SLMAP: variants seen among roughly 807,000 people sequenced by gnomAD.
SLMAP encodes sarcolemma associated protein.
Under a neutral mutation model 128.8 loss-of-function variants are expected in SLMAP, and 44 were observed. That is an observed-to-expected ratio of 0.34 (90% CI 0.27 to 0.44). The LOEUF (loss-of-function observed/expected upper bound fraction) is 0.44. Ranked by LOEUF, SLMAP falls within the 20% of genes least tolerant of loss-of-function variation. SLMAP has a pLI of 1.00. For missense variants in SLMAP, 787 were observed against 985.3 expected, an observed-to-expected ratio of 0.80 and a Z score of 2.69; for synonymous variants, 327 against 348.8, an observed-to-expected ratio of 0.94 and a Z score of 0.70.
At chr3:57,764,242 C>T (rs1231212650) in intron 2 of SLMAP, among the ~76,000 whole-genome samples, 1 of 152,084 alleles carries the variant, frequency 6.6e-6, no homozygotes, top group African/African-American at 2.4e-5. Flanking sequence ...TGGCTCACAC[C>T]TGTAATCCCA....
At position 57,908,453 on chromosome 3, in the gene SLMAP, C is replaced by A. The variant is rs572181348; in HGVS notation, c.1624+447C>A. Among the ~76,000 whole-genome samples, 108 of 152,318 alleles carry A rather than the reference C, an allele frequency of 7.1e-4. 1 individual carries two copies. The South Asian group carries it at 0.011, about 16-fold the overall frequency. On this transcript the variant is annotated intron_variant, in intron 18 of 24. Coordinates refer to ENST00000671191, the MANE Select transcript of SLMAP (RefSeq NM_001377540.1). ...TTCATAGTAACTACCTGGTTGCAGA[C>A]AATTAGTATCTCAAAGAGTCTTAAA... is the stretch of plus-strand genomic sequence containing the variant.
chr3:57,824,872 T>C (rs749098126), intron 2 of SLMAP, among the ~76,000 whole-genome samples: 3 of 152,238 alleles, frequency 2.0e-5, no homozygotes, highest in Non-Finnish European at 4.4e-5. Context: ...GTATTAAGAC[T>C]TCCAGTCCAT....
At chr3:57,792,945 T>C (rs1319910008) in intron 2 of SLMAP, among the ~76,000 whole-genome samples, 1 of 152,072 alleles carries the variant, frequency 6.6e-6, no homozygotes, top group Non-Finnish European at 1.5e-5. Context: ...GAGACCAGCC[T>C]GGGCAACATG....
At chr3:57,883,507 C>G (rs1433826631) in intron 14 of SLMAP, among the ~76,000 whole-genome samples, 3 of 152,072 alleles carry the variant, frequency 2.0e-5, no homozygotes, top group Non-Finnish European at 4.4e-5. Flanking sequence ...AAGGAATGAA[C>G]AAGCACATAA....
intron 15 of SLMAP, 150 bp from the exon 16 acceptor site, chr3:57,896,361 G>A: frequency 7.2e-7 from 1 of 1,383,284 alleles, no homozygotes; most frequent in Non-Finnish European, 9.3e-7. Context: ...TTGGACAAGG[G>A]TGGTGAAGAA....
chr3:57,888,919 T>G (rs1364535802), intron 14 of SLMAP, among the ~76,000 whole-genome samples: 2 of 151,870 alleles, frequency 1.3e-5, no homozygotes, highest in East Asian at 3.9e-4. Context: ...TTTTTTGAGA[T>G]GGAATCTCGC....
intron 2 of SLMAP, among the ~76,000 whole-genome samples, chr3:57,826,230 C>G (rs2092918220): frequency 6.6e-6 from 1 of 151,908 alleles, no homozygotes; most frequent in Non-Finnish European, 1.5e-5. Flanking sequence ...TTATTTTGCT[C>G]TTTCATGTCT....
At position 57,757,854 on chromosome 3, in the gene SLMAP, T is replaced by C. The variant is rs759043349; in HGVS notation, c.198+5T>C. 127 of 1,613,626 alleles carry C rather than the reference T, an allele frequency of 7.9e-5. No homozygotes were observed. The highest frequency in any genetic ancestry group is 3.8e-4 in the Admixed American group (23 of 59,982). ...TTTGATCACAAGACGGGCAAGGTAATGTCACCACATTGTCCAGCGGCATTG... is the reference window on the plus strand; with the variant it reads ...TTTGATCACAAGACGGGCAAGGTAACGTCACCACATTGTCCAGCGGCATTG... On this transcript the variant is annotated splice_donor_5th_base_variant and intron_variant, in intron 2 of 24. Coordinates refer to ENST00000671191, the MANE Select transcript of SLMAP (RefSeq NM_001377540.1).
At chr3:57,920,171 A>G (rs776855524) in intron 22 of SLMAP, among the ~76,000 whole-genome samples, 1 of 152,270 alleles carries the variant, frequency 6.6e-6, no homozygotes, top group Non-Finnish European at 1.5e-5. Flanking sequence ...GTGTAGGTAC[A>G]ATGACTTTGC....
chr3:57,869,014 ATT>A (rs1209353428), intron 13 of SLMAP, among the ~76,000 whole-genome samples: 3 of 139,296 alleles, frequency 2.2e-5, no homozygotes, highest in Non-Finnish European at 3.0e-5. Context: ...TATAATATAT[ATT>A]ATATGTGTAT....
chr3:57,895,545 A>G (rs1294860965), intron 15 of SLMAP, among the ~76,000 whole-genome samples: 1 of 152,046 alleles, frequency 6.6e-6, no homozygotes, highest in Non-Finnish European at 1.5e-5. Flanking sequence ...CATCTTGGCC[A>G]TGCTGGTCTT....
chr3:57,857,843 T>G lies in SLMAP; in HGVS notation c.615+15T>G, dbSNP rs779690753. On this transcript the variant is annotated intron_variant, in intron 7 of 24. Coordinates refer to ENST00000671191, the MANE Select transcript of SLMAP (RefSeq NM_001377540.1). ...CCAGTTGGCAGGTATTCCAGTTGTT[T>G]TATATTTAAGAAACATTTAAACATA... 1 of 1,536,944 alleles carries G rather than the reference T, an allele frequency of 6.5e-7. No individual in the cohort carries two copies. The highest frequency in any genetic ancestry group is 9.0e-7 in the Non-Finnish European group (1 of 1,111,424).
intron 2 of SLMAP, among the ~76,000 whole-genome samples, chr3:57,758,625 C>T (rs1353604162): frequency 6.6e-6 from 1 of 152,188 alleles, no homozygotes; most frequent in African/African-American, 2.4e-5. Flanking sequence ...TATAGCATTA[C>T]TTAAATGTGA....
At chr3:57,813,189 G>A (rs1242051346) in intron 2 of SLMAP, among the ~76,000 whole-genome samples, 1 of 147,898 alleles carries the variant, frequency 6.8e-6, no homozygotes, top group Non-Finnish European at 1.5e-5. Flanking sequence ...TCCACCTCCC[G>A]AGTTCAGGTG....
intron 6 of SLMAP, among the ~76,000 whole-genome samples, chr3:57,857,228 A>G (rs1480485173): frequency 6.6e-6 from 1 of 152,222 alleles, no homozygotes; most frequent in Admixed American, 6.5e-5. Context: ...CTTTCAGCCC[A>G]ACAAATGAGA....
chr3:57,775,174 C>CT (rs1357770043), intron 2 of SLMAP, among the ~76,000 whole-genome samples: 1 of 21,514 alleles, frequency 4.6e-5, no homozygotes, highest in Admixed American at 6.1e-4. Context: ...CCTGCCTCAG[C>CT]CCCCGAGTAG....
At chr3:57,902,183 T>G (rs1369114445) in intron 17 of SLMAP, 4 of 152,218 alleles carry the variant, frequency 2.6e-5, no homozygotes, top group South Asian at 4.1e-4. Flanking sequence ...AATTGCTGAT[T>G]TTTTCCAGTG....
chr3:57,812,759 A>G (rs755968663), intron 2 of SLMAP, among the ~76,000 whole-genome samples: 6 of 151,974 alleles, frequency 3.9e-5, no homozygotes, highest in Non-Finnish European at 7.4e-5. Flanking sequence ...TTATTGTACA[A>G]ATATTTTACC....
intron 3 of SLMAP, among the ~76,000 whole-genome samples, chr3:57,834,487 A>G (rs1318109508): frequency 1.3e-5 from 2 of 152,192 alleles, no homozygotes; most frequent in Non-Finnish European, 2.9e-5. Flanking sequence ...CAAAGAGAAA[A>G]GAAAAAATTA....
Sources: gnomAD v4.1 joint callset for allele counts (sites outside exome capture counted in the v4.1 genomes callset) on GRCh38, gnomAD v4.1.1 for gene constraint, MANE v1.5 for transcripts, NCBI Gene and HGNC (gene_info 2026-07-23, HGNC 2026-07-21) for gene names.